SNRPN: variants seen among roughly 807,000 people sequenced by gnomAD.
The protein encoded by SNRPN is small nuclear ribonucleoprotein polypeptide N, also known as small nuclear ribonucleoprotein-associated protein N.
SNRPN carries 7 observed loss-of-function variants against 25.2 expected under a neutral mutation model. The observed-to-expected ratio is 0.28, with a 90% CI of 0.16 to 0.52. SNRPN has a LOEUF of 0.52. Ranked by LOEUF, SNRPN falls within the 20% of genes least tolerant of loss-of-function variation. The pLI is 0.96. For missense variants in SNRPN, 196 were observed against 322.5 expected (o/e 0.61, Z 3.00); for synonymous variants, 124 against 110.6 (o/e 1.12, Z -0.76).
chr15:24,835,321 T>C (rs777946891), intron 2 of SNRPN, among the ~76,000 whole-genome samples: 14 of 151,784 alleles, frequency 9.2e-5, no homozygotes, highest in Non-Finnish European at 1.8e-4. Context: ...CTAGCTGTAG[T>C]AAATGTGCAT....
chr15:24,859,946 C>T (rs547520940), intron 1 of SNRPN, among the ~76,000 whole-genome samples: 17 of 152,252 alleles, frequency 1.1e-4, no homozygotes, highest in Admixed American at 9.2e-4. Context: ...GGATTTTAGC[C>T]GGCCTCTTTA....
In SNRPN at chr15:24,967,973, C is replaced by A. The variant is rs763207021; in HGVS notation, c.-253C>A. ...AGGCGTTCTCAGCAGCAGCAAGTAC[C>A]TGTGGTGGATTTCCAGGCTGAACTG... On this transcript the variant is annotated 5_prime_UTR_variant, in exon 3 of 10. In the 5' UTR this introduces an upstream ATG that the reference lacks. Coordinates refer to ENST00000390687, the MANE Select transcript of SNRPN (RefSeq NM_003097.6). 6.2e-7 allele frequency: 1 copy of A among 1,614,030 alleles called. No individual in the cohort carries two copies. The highest frequency in any genetic ancestry group is 1.3e-5 in the African/African-American group (1 of 74,970).
At chr15:24,952,842 A>T (rs912113230), upstream of SNRPN, among the ~76,000 whole-genome samples, 1 of 152,224 alleles carries the variant, frequency 6.6e-6, no homozygotes, top group Non-Finnish European at 1.5e-5. Context: ...GTGACAGCCA[A>T]GAGAAACCTA....
At chr15:24,923,876 CGTGTATGTGT>C (rs1310909631) in intron 3 of SNRPN, among the ~76,000 whole-genome samples, 27 of 107,048 alleles carry the variant, frequency 2.5e-4, no homozygotes, top group African/African-American at 3.4e-4. Flanking sequence ...TTTTTAGTGC[CGTGTATGTGT>C]GTGTGTGTGT....
intron 3 of SNRPN, among the ~76,000 whole-genome samples, chr15:24,970,560 C>T (rs1047752980): frequency 3.3e-5 from 5 of 152,164 alleles, no homozygotes; most frequent in African/African-American, 1.2e-4. Context: ...GCCTGCGTGA[C>T]AGAGCAAGAC....
At chr15:24,845,439 A>C (rs544705937) in intron 2 of SNRPN, among the ~76,000 whole-genome samples, 29 of 152,170 alleles carry the variant, frequency 1.9e-4, no homozygotes, top group African/African-American at 6.5e-4. Flanking sequence ...CTCTACTAAA[A>C]ATACAAAAAT....
chr15:24,950,142 C>T (rs1180473007), upstream of SNRPN, among the ~76,000 whole-genome samples: 1 of 151,976 alleles, frequency 6.6e-6, no homozygotes, highest in Non-Finnish European at 1.5e-5. Context: ...TTTATTCATT[C>T]ATCAGTTGAT....
chr15:24,886,092 T>C (rs1566870970), intron 1 of SNRPN, among the ~76,000 whole-genome samples: 1 of 152,186 alleles, frequency 6.6e-6, no homozygotes, highest in South Asian at 2.1e-4. Flanking sequence ...ACTCCATCCA[T>C]GCACTTTCTT....
At chr15:24,853,859 C>G (rs2053126775), upstream of SNRPN, among the ~76,000 whole-genome samples, 1 of 152,130 alleles carries the variant, frequency 6.6e-6, no homozygotes, top group Non-Finnish European at 1.5e-5. Flanking sequence ...TGTTACACTT[C>G]CTGTGTTGTA....
upstream of SNRPN, chr15:24,852,275 T>G (rs1214005159): frequency 6.6e-6 from 1 of 152,240 alleles, no homozygotes; most frequent in Non-Finnish European, 1.5e-5. Context: ...TGTGTTTTAT[T>G]TCGTGTATCC....
At chr15:24,857,312 C>A (rs1004055243) in intron 1 of SNRPN, among the ~76,000 whole-genome samples, 1 of 152,116 alleles carries the variant, frequency 6.6e-6, no homozygotes, top group Admixed American at 6.6e-5. Context: ...TGATTTTTTT[C>A]CCAACTTGCT....
chr15:24,845,546 C>T (rs935403825), intron 2 of SNRPN, among the ~76,000 whole-genome samples: 13 of 151,702 alleles, frequency 8.6e-5, no homozygotes, highest in African/African-American at 2.7e-4. Context: ...TGCAGTGAGC[C>T]GAGATCATGC....
chr15:24,971,456 C>T (rs1034328443), intron 3 of SNRPN, among the ~76,000 whole-genome samples: 7 of 152,036 alleles, frequency 4.6e-5, no homozygotes, highest in Non-Finnish European at 1.0e-4. Context: ...TAAGGGAATC[C>T]TTTTAACTGC....
intron 7 of SNRPN, among the ~76,000 whole-genome samples, chr15:24,977,405 G>A (rs940727601): frequency 6.6e-6 from 1 of 152,166 alleles, no homozygotes; most frequent in African/African-American, 2.4e-5. Context: ...TTGGGAGGCC[G>A]AGGTGGGCAG....
At chr15:24,871,065 C>T (rs183622868) in intron 1 of SNRPN, among the ~76,000 whole-genome samples, 38 of 151,696 alleles carry the variant, frequency 2.5e-4, no homozygotes, top group African/African-American at 7.0e-4. Flanking sequence ...GTATTTTTAG[C>T]AGAGATGGGG....
At chr15:24,856,476 C>G (rs2053397110), upstream of SNRPN, 1 of 152,308 alleles carries the variant, frequency 6.6e-6, no homozygotes, top group African/African-American at 2.4e-5. Context: ...CCTTCTTGCG[C>G]AAGCGCAGTT....
At chr15:24,848,218 G>T (rs765406483) in intron 2 of SNRPN, 44 of 139,010 alleles carry the variant, frequency 3.2e-4, no homozygotes, top group Non-Finnish European at 2.0e-4. Flanking sequence ...GAGCTGGGGG[G>T]CGGGGGCGGC....
At chr15:24,878,687 CTT>C (rs1473910932) in intron 1 of SNRPN, among the ~76,000 whole-genome samples, 1 of 152,162 alleles carries the variant, frequency 6.6e-6, no homozygotes, top group Non-Finnish European at 1.5e-5. Context: ...AGCCCCTCCT[CTT>C]GTTACATAAA....
At chr15:24,922,884 C>G (rs982740896) in intron 3 of SNRPN, among the ~76,000 whole-genome samples, 10 of 118,508 alleles carry the variant, frequency 8.4e-5, no homozygotes, top group African/African-American at 3.5e-4. Flanking sequence ...CCACAGTAGG[C>G]AGATCCTTTT....
Sources: gnomAD v4.1 joint callset for allele counts (sites outside exome capture counted in the v4.1 genomes callset) on GRCh38, gnomAD v4.1.1 for gene constraint, MANE v1.5 for transcripts, NCBI Gene and HGNC (gene_info 2026-07-23, HGNC 2026-07-21) for gene names.